ITPKB: variants seen among roughly 807,000 people sequenced by gnomAD.
The protein encoded by ITPKB is inositol-trisphosphate 3-kinase B, also known as IP3 3-kinase B.
A neutral mutation model predicts 69.4 loss-of-function variants in ITPKB; 13 were observed. The ratio of observed to expected loss-of-function variants is 0.19; its 90% CI spans 0.12 to 0.30. ITPKB has a LOEUF of 0.30. Ranked by LOEUF, ITPKB falls within the 10% of genes least tolerant of loss-of-function variation. The probability of loss-of-function intolerance (pLI) is 1.00; values close to 1 mark genes in which losing one functional copy is unlikely to be tolerated. For missense variants in ITPKB, 1,240 were observed against 1,250.5 expected (o/e 0.99, Z 0.13); for synonymous variants, 584 against 513.7 (o/e 1.14, Z -1.85).
intron 2 of ITPKB, among the ~76,000 whole-genome samples, chr1:226,673,880 G>A (rs1278857599): frequency 6.6e-6 from 1 of 152,176 alleles, no homozygotes; most frequent in Non-Finnish European, 1.5e-5. Flanking sequence ...TTTCTGCCAG[G>A]CAGGCTCAGA....
chr1:226,733,398 A>C (rs1002785218), intron 2 of ITPKB, among the ~76,000 whole-genome samples: 2 of 152,186 alleles, frequency 1.3e-5, no homozygotes, highest in African/African-American at 4.8e-5. Context: ...TATCTATTGC[A>C]GGTAATCAAG....
chr1:226,709,494 G>T (rs1015490118), intron 2 of ITPKB, among the ~76,000 whole-genome samples: 2 of 152,198 alleles, frequency 1.3e-5, no homozygotes, highest in African/African-American at 2.4e-5. Context: ...TATGGGTGGG[G>T]TGGGTGTCAC....
At chr1:226,727,334 G>A (rs933454077) in intron 2 of ITPKB, among the ~76,000 whole-genome samples, 6 of 152,254 alleles carry the variant, frequency 3.9e-5, no homozygotes, top group African/African-American at 9.6e-5. Flanking sequence ...AGTTGAGCCC[G>A]GAAAGAATGT....
chr1:226,733,571 TAC>T (rs139894733), intron 2 of ITPKB, among the ~76,000 whole-genome samples: 16 of 149,306 alleles, frequency 1.1e-4, no homozygotes, highest in Non-Finnish European at 1.0e-4. Context: ...CTTACCCCCC[TAC>T]ACACACACAC....
chr1:226,648,784 A>C lies in ITPKB; in HGVS notation c.1933-13T>G, dbSNP rs750056322. 3 of 1,543,480 alleles carry C rather than the reference A, an allele frequency of 1.9e-6. No homozygotes were observed. Among genetic ancestry groups the C allele is most frequent in the South Asian group, 1.1e-5 (1 of 89,670 alleles). ...TCCATGATTTGCTCTAGAAACAAAC[A>C]AACAAAAAGCTCTACATTAGAAAGA... On this transcript the variant is annotated splice_polypyrimidine_tract_variant and intron_variant, in intron 2 of 7. Coordinates refer to ENST00000429204, the MANE Select transcript of ITPKB (RefSeq NM_002221.4).
chr1:226,676,475 C>T (rs924227003), intron 2 of ITPKB: 2 of 152,232 alleles, frequency 1.3e-5, no homozygotes, highest in Admixed American at 6.5e-5. Context: ...ATTCCCCTAC[C>T]GGTGTGACCT....
chr1:226,730,698 T>C (rs1657565224), intron 2 of ITPKB, among the ~76,000 whole-genome samples: 1 of 152,156 alleles, frequency 6.6e-6, no homozygotes, highest in Non-Finnish European at 1.5e-5. Context: ...TTAAATACCT[T>C]AAAATTCTAC....
At chr1:226,704,250 C>T (rs1190344718) in intron 2 of ITPKB, among the ~76,000 whole-genome samples, 1 of 152,122 alleles carries the variant, frequency 6.6e-6, no homozygotes, top group Non-Finnish European at 1.5e-5. Context: ...GTTTAGCATG[C>T]CGTAAAATAC....
At chr1:226,717,579 CTTTG>C (rs1214881054) in intron 2 of ITPKB, among the ~76,000 whole-genome samples, 1 of 152,218 alleles carries the variant, frequency 6.6e-6, no homozygotes, top group Non-Finnish European at 1.5e-5. Context: ...GCATCTGCTT[CTTTG>C]TTTTTCTTTT....
In ITPKB at chr1:226,727,419, C is replaced by T. The variant is rs1288963615; in HGVS notation, c.1932+8108G>A. Among the ~76,000 whole-genome samples the T allele has an allele frequency of 2.0e-5, 3 of 152,196 alleles. No homozygotes were observed. The East Asian group carries it at 5.8e-4, about 29-fold the overall frequency. ...ACCTCCCTTGTAATTGCCCAGGTCC[C>T]ACCAACTCAGCAGCATACCAAGAGA... is the stretch of plus-strand genomic sequence containing the variant. On this transcript the variant is annotated intron_variant, in intron 2 of 7. Coordinates refer to ENST00000429204, the MANE Select transcript of ITPKB (RefSeq NM_002221.4).
In ITPKB at chr1:226,641,128, C is replaced by T. The variant is rs1464465356; in HGVS notation, c.2451+793G>A. On this transcript the variant is annotated intron_variant, in intron 5 of 7. Transcript: ENST00000429204. The surrounding 1 kb of genome is among the most constrained non-coding windows in gnomAD (Gnocchi z 4.6). ...TCTTGCAAATTTAACAGCAAGGGTG[C>T]ACACAGGGGCCCAGGGACAGGGAGA... 4.6e-5 allele frequency among the ~76,000 whole-genome samples: 7 copies of T among 152,214 alleles called. No individual in the cohort carries two copies. Among genetic ancestry groups the T allele is most frequent in the Non-Finnish European group, 2.9e-5 (2 of 68,040 alleles).
chr1:226,647,049 C>A (rs559340506), intron 4 of ITPKB, 118 bp downstream of exon 4: 151 of 811,342 alleles, frequency 1.9e-4, no homozygotes, highest in Non-Finnish European at 2.3e-4. Context: ...GGTCCAACAG[C>A]CTCCTCAGCC....
At chr1:226,737,979 C>A (rs1229905268) in intron 1 of ITPKB, among the ~76,000 whole-genome samples, 1 of 152,192 alleles carries the variant, frequency 6.6e-6, no homozygotes, top group Admixed American at 6.5e-5. Context: ...GTCCTTGGCT[C>A]CTAAGTATGC....
rs1046878222 is a variant in ITPKB at position 226,633,817 on chromosome 1, T to C, written c.*854A>G. On this transcript the variant is annotated 3_prime_UTR_variant, in exon 8 of 8. Coordinates refer to ENST00000429204, the MANE Select transcript of ITPKB (RefSeq NM_002221.4). ...CCAGGTAGGTGAGGGTCAAGAAAAA[T>C]GTGCTCCTCCCTGGGGCCAGGGCCC... 1.3e-5 allele frequency: 2 copies of C among 152,232 alleles called. No homozygotes were observed. The highest frequency in any genetic ancestry group is 1.3e-4 in the Admixed American group (2 of 15,298). The allele number at this position is 152,232 out of a possible 1,614,324, so 9.4% of individuals were successfully genotyped here.
intron 4 of ITPKB, among the ~76,000 whole-genome samples, chr1:226,645,663 T>G (rs1669046033): frequency 1.3e-5 from 2 of 152,122 alleles, no homozygotes; most frequent in Non-Finnish European, 2.9e-5. Context: ...GGGCCTCCCC[T>G]GAGAGGACAC....
intron 2 of ITPKB, among the ~76,000 whole-genome samples, chr1:226,709,709 G>A (rs1656895942): frequency 6.6e-6 from 1 of 152,210 alleles, no homozygotes; most frequent in African/African-American, 2.4e-5. Context: ...GCAGTGGGCA[G>A]GGCCTAGCCC....
chr1:226,714,614 C>T (rs1363067518), intron 2 of ITPKB, among the ~76,000 whole-genome samples: 1 of 152,210 alleles, frequency 6.6e-6, no homozygotes, highest in African/African-American at 2.4e-5. Flanking sequence ...CACACACATC[C>T]CTTTACTCCA....
intron 4 of ITPKB, among the ~76,000 whole-genome samples, chr1:226,645,515 C>A (rs1144837): frequency 6.6e-6 from 1 of 152,258 alleles, no homozygotes; most frequent in South Asian, 2.1e-4. Flanking sequence ...TTGGGACAGC[C>A]GACTTCCAGA....
chr1:226,668,224 AGACT>A (rs746585299), intron 2 of ITPKB, among the ~76,000 whole-genome samples: 1 of 152,252 alleles, frequency 6.6e-6, no homozygotes, highest in Non-Finnish European at 1.5e-5. Context: ...AAATTCACAC[AGACT>A]AATTACCTTT....
Sources: gnomAD v4.1 joint callset for allele counts (sites outside exome capture counted in the v4.1 genomes callset) on GRCh38, gnomAD v4.1.1 for gene constraint, Gnocchi (gnomAD v3.1) non-coding constraint, MANE v1.5 for transcripts, NCBI Gene and HGNC (gene_info 2026-07-23, HGNC 2026-07-21) for gene names.